The following FSTL5 variants were observed in gnomAD, a reference collection of about 807,000 sequenced individuals.
The protein encoded by FSTL5 is follistatin-related protein 5.
A neutral mutation model predicts 89.1 loss-of-function variants in FSTL5; 62 were observed. That is an observed-to-expected ratio of 0.70 (90% CI 0.57 to 0.86). The LOEUF is 0.86. Among genes scored for constraint, FSTL5 ranks in the 40% least tolerant of loss-of-function variants. The pLI is 0.00. For synonymous variants in FSTL5, 383 were observed against 346.2 expected, an observed-to-expected ratio of 1.11 and a Z score of -1.18; for missense variants, 1,057 against 1,001.6, an observed-to-expected ratio of 1.06 and a Z score of -0.75.
At chr4:161,691,884 A>T (rs1737955242) in intron 6 of FSTL5, among the ~76,000 whole-genome samples, 1 of 151,688 alleles carries the variant, frequency 6.6e-6, no homozygotes, top group Non-Finnish European at 1.5e-5. Flanking sequence ...ATCTATGCTG[A>T]TTTTTTTTAT....
At position 161,641,441 on chromosome 4, in the gene FSTL5, A is replaced by AT. The variant is rs1553953928; in HGVS notation, c.894+14886_894+14887insA. Among the ~76,000 whole-genome samples the AT allele has an allele frequency of 2.9e-4, 44 of 151,406 alleles. No homozygotes were observed. In the South Asian group the frequency reaches 8.9e-3, roughly 31 times the overall value. On this transcript the variant is annotated intron_variant, in intron 7 of 15. Transcript: ENST00000306100. Reference sequence around the variant, plus strand: ...CCAAAAGGGTAGGTGGAGCTGTTAAAGAGCAGAATTTTGTATGTGATTGAA... The same window carrying AT: ...CCAAAAGGGTAGGTGGAGCTGTTAAATGAGCAGAATTTTGTATGTGATTGAA...
intron 3 of FSTL5, among the ~76,000 whole-genome samples, chr4:161,939,543 C>T (rs1734521106): frequency 1.3e-5 from 2 of 151,888 alleles, no homozygotes; most frequent in South Asian, 4.1e-4. Flanking sequence ...ACTTTGCAAT[C>T]AGGCTCATTA....
intron 7 of FSTL5, among the ~76,000 whole-genome samples, chr4:161,602,338 C>A (rs777357394): frequency 3.8e-4 from 58 of 150,866 alleles, no homozygotes; most frequent in Non-Finnish European, 7.5e-4. Flanking sequence ...GTAGTCCTGA[C>A]ACATTGAAGA....
At chr4:161,861,426 A>C (rs1284219511) in intron 4 of FSTL5, among the ~76,000 whole-genome samples, 1 of 151,736 alleles carries the variant, frequency 6.6e-6, no homozygotes, top group Non-Finnish European at 1.5e-5. Flanking sequence ...CAAAGAAAGA[A>C]AGAGAGAGAG....
chr4:161,574,901 G>A (rs571353542), intron 8 of FSTL5, among the ~76,000 whole-genome samples: 145 of 152,200 alleles, frequency 9.5e-4, no homozygotes, highest in Non-Finnish European at 1.8e-3. Flanking sequence ...TCCAGTTCTC[G>A]ATCTTTGAGG....
intron 6 of FSTL5, among the ~76,000 whole-genome samples, chr4:161,676,055 C>T (rs1220463366): frequency 6.6e-6 from 1 of 152,040 alleles, no homozygotes; most frequent in Non-Finnish European, 1.5e-5. Flanking sequence ...CACTTGCTAG[C>T]TACAGAATGT....
At chr4:161,712,679 C>G (rs1560803817) in intron 6 of FSTL5, among the ~76,000 whole-genome samples, 1 of 152,102 alleles carries the variant, frequency 6.6e-6, no homozygotes, top group African/African-American at 2.4e-5. Flanking sequence ...GGGCAGGTCC[C>G]TTATGAATGG....
At chr4:161,961,209 C>A (rs1735165853) in intron 3 of FSTL5, among the ~76,000 whole-genome samples, 1 of 152,004 alleles carries the variant, frequency 6.6e-6, no homozygotes, top group Admixed American at 6.6e-5. Context: ...TGGGGCTCAA[C>A]TGATCCTCTC....
intron 6 of FSTL5, among the ~76,000 whole-genome samples, chr4:161,676,148 G>A (rs983472462): frequency 6.6e-6 from 1 of 151,970 alleles, no homozygotes; most frequent in Non-Finnish European, 1.5e-5. Flanking sequence ...ATGTTTAGTA[G>A]GCATTCCACA....
intron 2 of FSTL5, among the ~76,000 whole-genome samples, chr4:162,059,227 T>C (rs1219854180): frequency 6.6e-6 from 1 of 152,192 alleles, no homozygotes; most frequent in African/African-American, 2.4e-5. Flanking sequence ...ATATTTTTGA[T>C]ACAATACAAG....
At chr4:161,963,237 G>A (rs973391604) in intron 3 of FSTL5, among the ~76,000 whole-genome samples, 4 of 151,740 alleles carry the variant, frequency 2.6e-5, no homozygotes, top group African/African-American at 4.8e-5. Context: ...GCAAGTTTAT[G>A]TAGACTTGTT....
chr4:161,865,688 T>C (rs1323979409), intron 4 of FSTL5, among the ~76,000 whole-genome samples: 1 of 151,956 alleles, frequency 6.6e-6, no homozygotes, highest in Admixed American at 6.6e-5. Flanking sequence ...TCTGCCTTGA[T>C]TTTAATTACA....
chr4:161,516,362 A>C (rs1730829472), intron 10 of FSTL5, among the ~76,000 whole-genome samples: 1 of 146,644 alleles, frequency 6.8e-6, no homozygotes, highest in African/African-American at 2.5e-5. Context: ...TAAATATGCC[A>C]CTACTGTTAT....
chr4:161,843,086 C>A (rs1051051156), intron 4 of FSTL5, among the ~76,000 whole-genome samples: 3 of 152,206 alleles, frequency 2.0e-5, no homozygotes, highest in South Asian at 2.1e-4. Flanking sequence ...TTTCCAGAGA[C>A]TTTATTTACA....
At chr4:161,849,800 T>C (rs1357474087) in intron 4 of FSTL5, among the ~76,000 whole-genome samples, 1 of 152,160 alleles carries the variant, frequency 6.6e-6, no homozygotes, top group Non-Finnish European at 1.5e-5. Context: ...TCTACTTACA[T>C]TTAACTTATA....
rs146026800 is a variant in FSTL5, at chr4:162,039,644, A to C, written c.127-5986T>G. 7.8e-3 allele frequency among the ~76,000 whole-genome samples: 1,192 copies of C among 152,090 alleles called. 11 individuals carry two copies. The highest frequency in any genetic ancestry group is 8.9e-3 in the Non-Finnish European group (607 of 67,886). On this transcript the variant is annotated intron_variant, in intron 2 of 15. Coordinates refer to ENST00000306100, the MANE Select transcript of FSTL5 (RefSeq NM_020116.5). ...CTAATATGTACAATAAAGCACATTC[A>C]AGCTGTGTTTAGCTTGGCTAAATGC...
intron 4 of FSTL5, among the ~76,000 whole-genome samples, chr4:161,835,636 G>T (rs1027498241): frequency 1.5e-4 from 23 of 151,886 alleles, no homozygotes; most frequent in Non-Finnish European, 2.6e-4. Context: ...ATCAAAAAGT[G>T]GGTGAAGGAC....
At chr4:161,578,787 T>C (rs1162471354) in intron 8 of FSTL5, among the ~76,000 whole-genome samples, 1 of 151,976 alleles carries the variant, frequency 6.6e-6, no homozygotes, top group Admixed American at 6.6e-5. Flanking sequence ...TTAGAAACCA[T>C]GCAAGAGCAA....
At chr4:161,581,148 T>C (rs902821415) in intron 8 of FSTL5, among the ~76,000 whole-genome samples, 4 of 152,190 alleles carry the variant, frequency 2.6e-5, no homozygotes, top group African/African-American at 9.6e-5. Flanking sequence ...GGAGGGAAAC[T>C]GTAGTTCTCA....
Sources: allele counts gnomAD v4.1 joint callset (sites outside exome capture counted in the v4.1 genomes callset), GRCh38; gene constraint gnomAD v4.1.1; transcripts MANE v1.5; gene names NCBI Gene and HGNC (gene_info 2026-07-23, HGNC 2026-07-21).